CDS1: variants seen among roughly 807,000 people sequenced by gnomAD.
CDS1 encodes CDP-diacylglycerol synthase 1, also known as phosphatidate cytidylyltransferase 1.
A neutral mutation model predicts 62.1 loss-of-function variants in CDS1; 41 were observed. That is an observed-to-expected ratio of 0.66 (90% CI 0.51 to 0.86). The LOEUF is 0.86. CDS1 is among the 40% of genes least tolerant of loss of function. The pLI is 0.00. For missense variants in CDS1, 470 were observed against 550.1 expected (o/e 0.85, Z 1.46); for synonymous variants, 185 against 192.6 (o/e 0.96, Z 0.32).
chr4:84,609,733 C>T (rs1034211037), intron 3 of CDS1, among the ~76,000 whole-genome samples: 4 of 152,156 alleles, frequency 2.6e-5, no homozygotes, highest in African/African-American at 9.7e-5. Flanking sequence ...GTTCATTCAG[C>T]AGAGACCAAG....
At chr4:84,584,433 C>A (rs943869763) in intron 1 of CDS1, among the ~76,000 whole-genome samples, 5 of 152,190 alleles carry the variant, frequency 3.3e-5, no homozygotes, top group African/African-American at 1.2e-4. Flanking sequence ...TAAACTGTTT[C>A]TAGAAGCATA....
chr4:84,609,960 G>A (rs541844958), intron 3 of CDS1, among the ~76,000 whole-genome samples: 67 of 151,956 alleles, frequency 4.4e-4, no homozygotes, highest in African/African-American at 1.5e-3. Flanking sequence ...TGATGCTGCT[G>A]TGAGCTGTGG....
intron 5 of CDS1, among the ~76,000 whole-genome samples, chr4:84,629,450 A>G (rs1723955461): frequency 6.6e-6 from 1 of 152,180 alleles, no homozygotes; most frequent in Non-Finnish European, 1.5e-5. Flanking sequence ...ATACAGTCTA[A>G]CAATTATTTA....
Position 84,648,712 on chromosome 4 carries a change from C to T in CDS1, c.*26C>T. 6.3e-7 allele frequency: 1 copy of T among 1,591,466 alleles called. No individual in the cohort carries two copies. Among genetic ancestry groups the T allele is most frequent in the Non-Finnish European group, 8.5e-7 (1 of 1,170,374 alleles). On this transcript the variant is annotated 3_prime_UTR_variant, in exon 13 of 13. Transcript: ENST00000295887. The stretch of plus-strand genomic sequence containing the variant: ...CTGGATCCAGAGAGGGAAGGACTGA[C>T]AAGAAGGAATTATTCAGAAAAACAC...
At chr4:84,615,286 T>C (rs1005892404) in intron 3 of CDS1, among the ~76,000 whole-genome samples, 4 of 152,182 alleles carry the variant, frequency 2.6e-5, no homozygotes, top group Middle Eastern at 3.4e-3. Flanking sequence ...CCACTTCACC[T>C]GGATAGTGAA....
At chr4:84,599,702 C>A (rs1467599075) in intron 1 of CDS1, among the ~76,000 whole-genome samples, 3 of 151,788 alleles carry the variant, frequency 2.0e-5, no homozygotes, top group African/African-American at 7.3e-5. Flanking sequence ...TTTTGAGATT[C>A]ATCCATGTAT....
chr4:84,585,148 A>C (rs958143522), intron 1 of CDS1, among the ~76,000 whole-genome samples: 3 of 152,154 alleles, frequency 2.0e-5, no homozygotes. Context: ...CTACTTCTGT[A>C]GTGTGATTTG....
At chr4:84,636,173 TC>T (rs1724204815) in intron 8 of CDS1, among the ~76,000 whole-genome samples, 1 of 152,128 alleles carries the variant, frequency 6.6e-6, no homozygotes, top group African/African-American at 2.4e-5. Flanking sequence ...GCCTTACCTG[TC>T]CCCTCCTTTA....
intron 3 of CDS1, 119 bp downstream of exon 3, chr4:84,609,644 T>C: frequency 4.7e-6 from 3 of 643,484 alleles, no homozygotes; most frequent in Non-Finnish European, 5.5e-6. Context: ...TCACAGAATA[T>C]TTAGTTCCTT....
chr4:84,641,931 CT>C (rs1262850672), intron 10 of CDS1, among the ~76,000 whole-genome samples: 2 of 152,158 alleles, frequency 1.3e-5, no homozygotes, highest in African/African-American at 4.8e-5. Flanking sequence ...TTTCCAAGAA[CT>C]TTTTCAATGT....
chr4:84,620,457 C>T (rs976804192), intron 5 of CDS1, among the ~76,000 whole-genome samples: 10 of 151,870 alleles, frequency 6.6e-5, no homozygotes, highest in East Asian at 5.9e-4. Flanking sequence ...CTCCTGACCT[C>T]GTGATTCGCC....
chr4:84,584,696 C>T (rs567833577), intron 1 of CDS1, among the ~76,000 whole-genome samples: 16 of 152,224 alleles, frequency 1.1e-4, no homozygotes, highest in African/African-American at 3.6e-4. Context: ...TAAACGTAAA[C>T]GTGATTCTTA....
At chr4:84,611,467 C>G (rs890546084) in intron 3 of CDS1, among the ~76,000 whole-genome samples, 1 of 152,052 alleles carries the variant, frequency 6.6e-6, no homozygotes, top group African/African-American at 2.4e-5. Flanking sequence ...ATTCATAGCT[C>G]ATAAGCTTAT....
Position 84,583,465 on chromosome 4 carries a change from C to T in CDS1, c.64C>T (p.Arg22Cys). The T allele has an allele frequency of 6.3e-7, 1 of 1,580,112 alleles. No individual in the cohort carries two copies. Among genetic ancestry groups the T allele is most frequent in the Non-Finnish European group, 8.6e-7 (1 of 1,164,568 alleles). Reference protein sequence around the residue: ...GPREAVSPPHREGEAAGGDHE... With the variant: ...GPREAVSPPHCEGEAAGGDHE... ...CAGGGAAGCGGTGTCGCCGCCACACCGCGAGGGAGAGGCGGCCGGCGGCGA... is the reference window on the plus strand; with the variant it reads ...CAGGGAAGCGGTGTCGCCGCCACACTGCGAGGGAGAGGCGGCCGGCGGCGA... Residue 22 changes from arginine (R) to cysteine (C), a missense_variant, in exon 1 of 13, where the codon CGC (arginine) becomes TGC (cysteine). Physicochemically the swap from Arg to Cys is radical, Grantham distance 180. Coordinates refer to ENST00000295887, the MANE Select transcript of CDS1 (RefSeq NM_001263.4).
At position 84,609,416 on chromosome 4, in the gene CDS1, A is replaced by G. The variant is rs745717113; in HGVS notation, c.246-13A>G. 6.5e-7 allele frequency: 1 copy of G among 1,540,882 alleles called. No homozygotes were observed. The highest frequency in any genetic ancestry group is 9.0e-7 in the Non-Finnish European group (1 of 1,115,358). On this transcript the variant is annotated splice_polypyrimidine_tract_variant and intron_variant, in intron 2 of 12. Coordinates refer to ENST00000295887, the MANE Select transcript of CDS1 (RefSeq NM_001263.4). ...AGAACACGTTAAATACTAACTTTAC[A>G]TTTTCTTTGTAGGTGGAAAAACTGG...
At chr4:84,591,779 A>G (rs1182213195) in intron 1 of CDS1, among the ~76,000 whole-genome samples, 1 of 152,192 alleles carries the variant, frequency 6.6e-6, no homozygotes, top group African/African-American at 2.4e-5. Context: ...TAAAAAATGT[A>G]AAGGAGAAAT....
chr4:84,620,397 T>C (rs994409051), intron 5 of CDS1, among the ~76,000 whole-genome samples: 2 of 151,734 alleles, frequency 1.3e-5, no homozygotes, highest in East Asian at 2.0e-4. Flanking sequence ...TAATTTTTTG[T>C]ATTTTTAGTA....
intron 1 of CDS1, among the ~76,000 whole-genome samples, chr4:84,588,671 G>T (rs565852214): frequency 1.5e-3 from 232 of 152,140 alleles, no homozygotes; most frequent in African/African-American, 5.3e-3. Context: ...ATTTCTGGAT[G>T]GGGGGGCCAC....
chr4:84,601,794 T>A (rs1230867121), intron 1 of CDS1, among the ~76,000 whole-genome samples: 1 of 151,972 alleles, frequency 6.6e-6, no homozygotes. Context: ...ATACCTGTAA[T>A]CCCAGCAACA....
Sources: allele counts gnomAD v4.1 joint callset (sites outside exome capture counted in the v4.1 genomes callset), GRCh38; gene constraint gnomAD v4.1.1; transcripts MANE v1.5; gene names NCBI Gene and HGNC (gene_info 2026-07-23, HGNC 2026-07-21).